INTS7: variants seen among roughly 807,000 people sequenced by gnomAD.
INTS7 encodes the protein chromosome 1 open reading frame 73.
Under a neutral mutation model 109.2 loss-of-function variants are expected in INTS7, and 46 were observed. The ratio of observed to expected loss-of-function variants is 0.42; its 90% confidence interval spans 0.33 to 0.54. INTS7 has a LOEUF of 0.54. Among genes scored for constraint, INTS7 ranks in the 20% least tolerant of loss-of-function variants. The pLI is 0.07. For synonymous variants in INTS7, 412 were observed against 402.9 expected (o/e 1.02, Z -0.27); for missense variants, 929 against 1,132.4 (o/e 0.82, Z 2.58).
chr1:212,020,653 G>A (rs1666649698), intron 2 of INTS7: 1 of 688,632 alleles, frequency 1.5e-6, no homozygotes, highest in Non-Finnish European at 1.8e-6. Flanking sequence ...CATGGAGAAT[G>A]GCAGAAAGCA....
intron 7 of INTS7, among the ~76,000 whole-genome samples, chr1:212,004,490 G>A (rs1168777264): frequency 1.3e-5 from 2 of 152,166 alleles, no homozygotes; most frequent in African/African-American, 4.8e-5. Context: ...ATTAATATCA[G>A]ACGAAATAGA....
intron 5 of INTS7, among the ~76,000 whole-genome samples, chr1:212,009,793 G>C (rs977657636): frequency 2.6e-5 from 4 of 152,072 alleles, no homozygotes; most frequent in African/African-American, 9.7e-5. Flanking sequence ...AATAAGTGAT[G>C]CTTCCTTCTA....
At position 211,961,771 on chromosome 1, in the gene INTS7, A is replaced by T. The variant is rs112269310; in HGVS notation, c.2183+4659T>A. Among the ~76,000 whole-genome samples, 15 of 152,294 alleles carry T rather than the reference A, an allele frequency of 9.8e-5. 1 individual carries two copies. The highest frequency in any genetic ancestry group is 3.6e-4 in the African/African-American group (15 of 41,566). ...AAGAAATTCCAACCAAGAAATTCAT[A>T]TCCGGCCAAACTAAGCTTCATGAGT... On this transcript the variant is annotated intron_variant, in intron 16 of 19. Coordinates refer to ENST00000366994, the MANE Select transcript of INTS7 (RefSeq NM_015434.4).
chr1:212,003,257 T>G (rs952631796), intron 7 of INTS7, among the ~76,000 whole-genome samples: 1 of 150,506 alleles, frequency 6.6e-6, no homozygotes, highest in Non-Finnish European at 1.5e-5. Flanking sequence ...AACTAGACAT[T>G]TCATAGTGAA....
intron 7 of INTS7, among the ~76,000 whole-genome samples, chr1:211,994,857 G>A (rs1665310892): frequency 6.9e-6 from 1 of 144,034 alleles, no homozygotes; most frequent in South Asian, 2.3e-4. Flanking sequence ...GATAAGATAT[G>A]GTATAATGAA....
At chr1:211,960,289 A>T (rs1184054610) in intron 16 of INTS7, among the ~76,000 whole-genome samples, 4 of 147,614 alleles carry the variant, frequency 2.7e-5, no homozygotes, top group Non-Finnish European at 4.5e-5. Flanking sequence ...AAATAGGATT[A>T]AAAAAAAAAA....
chr1:211,994,284 A>G (rs1665273168), intron 7 of INTS7, among the ~76,000 whole-genome samples: 1 of 152,196 alleles, frequency 6.6e-6, no homozygotes, highest in South Asian at 2.1e-4. Context: ...GAAAAGGTTA[A>G]ATCGTTAGAA....
At chr1:212,019,891 G>A (rs1392336196) in intron 3 of INTS7, among the ~76,000 whole-genome samples, 2 of 152,202 alleles carry the variant, frequency 1.3e-5, no homozygotes, top group Non-Finnish European at 2.9e-5. Flanking sequence ...ACATAGAGAT[G>A]CATTTCAAAC....
intron 7 of INTS7, among the ~76,000 whole-genome samples, chr1:211,999,239 A>C (rs1429539784): frequency 6.6e-6 from 1 of 152,256 alleles, no homozygotes; most frequent in Non-Finnish European, 1.5e-5. Context: ...ACTTATGAAC[A>C]GACAAATTGT....
At chr1:212,000,138 G>C (rs1349452887) in intron 7 of INTS7, among the ~76,000 whole-genome samples, 2 of 151,430 alleles carry the variant, frequency 1.3e-5, no homozygotes, top group African/African-American at 4.9e-5. Context: ...AGAAGAAAAA[G>C]GAAAAAGGGA....
At chr1:212,012,669 C>T (rs1435800745) in intron 4 of INTS7, among the ~76,000 whole-genome samples, 1 of 152,166 alleles carries the variant, frequency 6.6e-6, no homozygotes, top group Non-Finnish European at 1.5e-5. Context: ...ATATTAAAAA[C>T]TGTTTCTACA....
rs370022126 is a variant in INTS7 at position 212,027,086 on chromosome 1, C to A, written c.95-5874G>T. 3.7e-4 allele frequency among the ~76,000 whole-genome samples: 56 copies of A among 152,276 alleles called. 2 individuals are homozygous for A. In the South Asian group the frequency reaches 0.011, roughly 29 times the overall value. On this transcript the variant is annotated intron_variant, in intron 1 of 19. Coordinates refer to ENST00000366994, the MANE Select transcript of INTS7 (RefSeq NM_015434.4). ...GGTAAATGAACTAAAGAATATTAAA[C>A]CTCTTCTGTATTTTCTGATGTAAGA... is the stretch of plus-strand genomic sequence containing the variant.
intron 3 of INTS7, among the ~76,000 whole-genome samples, chr1:212,019,560 T>C (rs1016975374): frequency 2.6e-5 from 4 of 152,178 alleles, no homozygotes; most frequent in Non-Finnish European, 5.9e-5. Flanking sequence ...GTTATAGATA[T>C]GATACTATAA....
rs41502452 is a variant in INTS7, at chr1:211,975,070, G to A, written c.1815+96C>T. 6 of 787,338 alleles carry A rather than the reference G, an allele frequency of 7.6e-6. No individual in the cohort carries two copies. The African/African-American group carries it at 1.0e-4, about 14-fold the overall frequency. 48.8% of individuals were successfully genotyped at this position (787,338 alleles called of 1,614,324 possible). A position where few individuals can be genotyped will look rare whatever the true frequency, so the allele number is the denominator to read the frequency against. On this transcript the variant is annotated intron_variant, in intron 13 of 19. Transcript: ENST00000366994. ...TCCATGACCTATTTCATATCAGCAG[G>A]TTTCTCAAGTTAGTTGAAATAGGAC...
intron 13 of INTS7, among the ~76,000 whole-genome samples, chr1:211,969,297 A>C (rs1038543611): frequency 2.0e-5 from 3 of 150,590 alleles, no homozygotes; most frequent in Non-Finnish European, 4.4e-5. Flanking sequence ...AAAAAAACAA[A>C]GAAAAAAGAA....
chr1:211,985,707 A>G (rs1664864691), intron 8 of INTS7, among the ~76,000 whole-genome samples: 1 of 152,220 alleles, frequency 6.6e-6, no homozygotes, highest in Admixed American at 6.5e-5. Context: ...CTTCACAACT[A>G]TGTGAACTTT....
intron 10 of INTS7, among the ~76,000 whole-genome samples, chr1:211,979,959 T>C (rs911631995): frequency 2.6e-4 from 40 of 152,196 alleles, no homozygotes; most frequent in African/African-American, 9.4e-4. Context: ...GTCCCCTATA[T>C]AAACATCAGT....
In INTS7 at chr1:211,946,713, A is replaced by G. The variant is rs1662863272; in HGVS notation, c.2317-8T>C. 3 of 1,580,972 alleles carry G rather than the reference A, an allele frequency of 1.9e-6. No homozygotes were observed. Among genetic ancestry groups the G allele is most frequent in the South Asian group, 1.1e-5 (1 of 87,688 alleles). ...GCAGAGGCATGCTGTGTGCTGGGGGAAAAAAGAAACTAAATCAAATAAAAA... is the reference window on the plus strand; with the variant it reads ...GCAGAGGCATGCTGTGTGCTGGGGGGAAAAAGAAACTAAATCAAATAAAAA... On this transcript the variant is annotated splice_region_variant and splice_polypyrimidine_tract_variant and intron_variant, in intron 17 of 19. Transcript: ENST00000366994. This position sits in a 1 kb window ranked among gnomAD's most constrained non-coding sequence, Gnocchi z 4.3.
chr1:211,949,534 A>G (rs1662996785), intron 17 of INTS7, among the ~76,000 whole-genome samples: 2 of 152,146 alleles, frequency 1.3e-5, no homozygotes, highest in South Asian at 4.1e-4. Context: ...TCTCTCATAT[A>G]TATCTATTTT....
Sources: gnomAD v4.1 joint callset for allele counts (sites outside exome capture counted in the v4.1 genomes callset) on GRCh38, gnomAD v4.1.1 for gene constraint, Gnocchi (gnomAD v3.1) non-coding constraint, MANE v1.5 for transcripts, NCBI Gene and HGNC (gene_info 2026-07-23, HGNC 2026-07-21) for gene names.